PRR11: variants seen among roughly 807,000 people sequenced by gnomAD.
PRR11 encodes the protein proline rich 11.
In PRR11, 30 loss-of-function variants were observed where a neutral mutation model predicts 45.6. The observed-to-expected ratio is 0.66, with a 90% CI of 0.49 to 0.89. The LOEUF (loss-of-function observed/expected upper bound fraction) is 0.89. PRR11 is among the 40% of genes least tolerant of loss of function. The pLI is 0.00. For synonymous variants in PRR11, 128 were observed against 153.5 expected (o/e 0.83, Z 1.23); for missense variants, 373 against 424.8 (o/e 0.88, Z 1.07).
At chr17:59,158,841 T>C (rs1352231152) in intron 1 of PRR11, among the ~76,000 whole-genome samples, 1 of 152,166 alleles carries the variant, frequency 6.6e-6, no homozygotes, top group Non-Finnish European at 1.5e-5. Flanking sequence ...CATACTCACA[T>C]TGGCCCACAC....
At chr17:59,173,746 C>T (rs1456343547) in intron 2 of PRR11, among the ~76,000 whole-genome samples, 1 of 152,150 alleles carries the variant, frequency 6.6e-6, no homozygotes, top group African/African-American at 2.4e-5. Flanking sequence ...ACAGAAGTAC[C>T]CCCCTGGTTC....
intron 1 of PRR11, among the ~76,000 whole-genome samples, chr17:59,167,528 G>A (rs1254674857): frequency 6.6e-6 from 1 of 152,146 alleles, no homozygotes; most frequent in Non-Finnish European, 1.5e-5. Flanking sequence ...TGTCTATTAA[G>A]AAAGTAAAGG....
At chr17:59,199,265 T>G (rs2046881030) in intron 9 of PRR11, among the ~76,000 whole-genome samples, 2 of 152,070 alleles carry the variant, frequency 1.3e-5, no homozygotes, top group South Asian at 4.1e-4. Flanking sequence ...ACCATGAGTG[T>G]CAGGAAGGAG....
At position 59,193,581 on chromosome 17, in the gene PRR11, C is replaced by A. The variant is rs1384627748; in HGVS notation, c.492C>A (p.Ile164=). The A allele has an allele frequency of 6.2e-7, 1 of 1,614,176 alleles. No individual in the cohort carries two copies. The highest frequency in any genetic ancestry group is 8.5e-7 in the Non-Finnish European group (1 of 1,180,032). Residue 164 remains isoleucine, a synonymous_variant, in exon 5 of 10, where the codon ATC becomes ATA. Coordinates refer to ENST00000262293, the MANE Select transcript of PRR11 (RefSeq NM_018304.4). ...CAAATGTGCCTGCCTGCGTTCTGAT[C>A]ACCCCTGGAGACTCCAAAGCTGTGC... The part of the protein sequence containing the change: ...KLTNVPACVL[I]TPGDSKAVLP...
In PRR11 at chr17:59,203,341, C is replaced by G. The variant is rs541055161; in HGVS notation, c.*1710C>G. 6.6e-6 allele frequency: 1 copy of G among 152,222 alleles called. No individual in the cohort carries two copies. Among genetic ancestry groups the G allele is most frequent in the Admixed American group, 6.6e-5 (1 of 15,264 alleles). 9.4% of individuals were successfully genotyped at this position (152,222 alleles called of 1,614,324 possible). ...CCAGGTTCAAGCAATTCTCCTGCCT[C>G]AGCCTCCTGAGTAGCTGGGATTACA... is the stretch of plus-strand genomic sequence containing the variant. On this transcript the variant is annotated 3_prime_UTR_variant, in exon 10 of 10. Transcript: ENST00000262293.
At chr17:59,184,942 T>A in intron 2 of PRR11, 112 bp from the exon 3 acceptor site, 1 of 701,642 alleles carries the variant, frequency 1.4e-6, no homozygotes, top group Non-Finnish European at 2.0e-6. Flanking sequence ...AGCAATCTCC[T>A]CACCTCAGCC....
intron 1 of PRR11, among the ~76,000 whole-genome samples, chr17:59,166,918 C>T (rs1032206268): frequency 2.6e-5 from 4 of 151,372 alleles, no homozygotes; most frequent in African/African-American, 9.8e-5. Flanking sequence ...AATCCCAGCA[C>T]TTTGGGAGGC....
At position 59,157,814 on chromosome 17, in the gene PRR11, T is replaced by C. The variant is rs376256655; in HGVS notation, c.-6+2009T>C. ...GTGGATTATAAGCACTCAACTAATA[T>C]CTATAAGATAAAATAACAGAATCTT... On this transcript the variant is annotated intron_variant, in intron 1 of 9. Coordinates refer to ENST00000262293, the MANE Select transcript of PRR11 (RefSeq NM_018304.4). 2.6e-5 allele frequency among the ~76,000 whole-genome samples: 4 copies of C among 152,052 alleles called. No individual in the cohort carries two copies. The East Asian group carries it at 7.7e-4, about 29-fold the overall frequency.
At chr17:59,179,161 G>A (rs1252922808) in intron 2 of PRR11, among the ~76,000 whole-genome samples, 2 of 152,114 alleles carry the variant, frequency 1.3e-5, no homozygotes, top group East Asian at 1.9e-4. Context: ...TACCACGCCT[G>A]GCTAATTTTT....
At chr17:59,174,943 C>T in intron 2 of PRR11, 1 of 942,584 alleles carries the variant, frequency 1.1e-6, no homozygotes, top group African/African-American at 1.7e-5. Context: ...CCTCCACCTA[C>T]CCCCACCCCG....
chr17:59,173,363 T>C (rs2046721723), intron 2 of PRR11, among the ~76,000 whole-genome samples: 2 of 152,238 alleles, frequency 1.3e-5, no homozygotes, highest in South Asian at 4.1e-4. Context: ...TTTCACGCTG[T>C]GGAAGGTTTG....
chr17:59,196,703 G>T (rs375975306), intron 7 of PRR11, among the ~76,000 whole-genome samples: 11 of 151,804 alleles, frequency 7.2e-5, no homozygotes, highest in African/African-American at 2.7e-4. Context: ...ATTTCTGTAA[G>T]TCTTCAGTGG....
At chr17:59,177,404 G>T (rs991131651) in intron 2 of PRR11, 10 of 469,016 alleles carry the variant, frequency 2.1e-5, no homozygotes, top group Non-Finnish European at 3.0e-5. Context: ...GAAATTGCGG[G>T]GTGGTGGGGT....
chr17:59,180,797 C>T (rs192829326), intron 2 of PRR11, among the ~76,000 whole-genome samples: 46 of 151,630 alleles, frequency 3.0e-4, no homozygotes, highest in Non-Finnish European at 5.9e-4. Context: ...TGAGCTACTG[C>T]GCCCGGCCTT....
intron 2 of PRR11, among the ~76,000 whole-genome samples, chr17:59,176,518 G>A (rs935748233): frequency 1.7e-4 from 26 of 152,002 alleles, no homozygotes; most frequent in African/African-American, 5.8e-4. Flanking sequence ...GGCGTTTGCA[G>A]TTGATATGGG....
chr17:59,180,352 A>G (rs899917541), intron 2 of PRR11, among the ~76,000 whole-genome samples: 1 of 150,498 alleles, frequency 6.6e-6, no homozygotes, highest in Non-Finnish European at 1.5e-5. Context: ...GCTGGTCTCA[A>G]ACTCCTGGCC....
At position 59,206,088 on chromosome 17, in the gene PRR11, C is replaced by T. The variant is rs773159466; in HGVS notation, c.*4457C>T. On this transcript the variant is annotated 3_prime_UTR_variant, in exon 10 of 10. Transcript: ENST00000262293. Reference sequence around the variant, plus strand: ...AAGAAAAAGAAAAATGCTTTATGGCCCAGTGCAGTGGCTCACACCTATAAT... The same window carrying T: ...AAGAAAAAGAAAAATGCTTTATGGCTCAGTGCAGTGGCTCACACCTATAAT... 3.3e-5 allele frequency among the ~76,000 whole-genome samples: 5 copies of T among 151,802 alleles called. No homozygotes were observed. Among genetic ancestry groups the T allele is most frequent in the Non-Finnish European group, 7.4e-5 (5 of 67,968 alleles).
chr17:59,173,705 C>T lies in PRR11; in HGVS notation c.128+3825C>T, dbSNP rs564991043. Among the ~76,000 whole-genome samples the T allele has an allele frequency of 3.9e-5, 6 of 152,270 alleles. No homozygotes were observed. The East Asian group carries it at 5.8e-4, about 15-fold the overall frequency. Reference sequence around the variant, plus strand: ...GGGTTGGCAGCTTCATTTTTGAAGTCGGTGAAACCAAGAACCCACCAATTC... The same window carrying T: ...GGGTTGGCAGCTTCATTTTTGAAGTTGGTGAAACCAAGAACCCACCAATTC... On this transcript the variant is annotated intron_variant, in intron 2 of 9. Transcript: ENST00000262293.
At chr17:59,190,433 C>T (rs2046835525) in intron 4 of PRR11, among the ~76,000 whole-genome samples, 1 of 151,552 alleles carries the variant, frequency 6.6e-6, no homozygotes, top group Non-Finnish European at 1.5e-5. Flanking sequence ...GATCACGCCA[C>T]TGCACTCCAG....
Sources: allele counts gnomAD v4.1 joint callset (sites outside exome capture counted in the v4.1 genomes callset), GRCh38; gene constraint gnomAD v4.1.1; transcripts MANE v1.5; gene names NCBI Gene and HGNC (gene_info 2026-07-23, HGNC 2026-07-21).